The following SGMS1 variants were observed in gnomAD, a reference collection of about 807,000 sequenced individuals.
The protein encoded by SGMS1 is phosphatidylcholine:ceramide cholinephosphotransferase 1.
SGMS1 carries 13 observed loss-of-function variants against 46.2 expected under a neutral mutation model. The ratio of observed to expected loss-of-function variants is 0.28; its 90% CI spans 0.18 to 0.45. The LOEUF is 0.45. Ranked by LOEUF, SGMS1 falls within the 20% of genes least tolerant of loss-of-function variation. The pLI, the probability that SGMS1 is intolerant of heterozygous loss-of-function variation, is 1.00. For synonymous variants in SGMS1, 203 were observed against 187.8 expected, an observed-to-expected ratio of 1.08 and a Z score of -0.66; for missense variants, 324 against 519.9, an observed-to-expected ratio of 0.62 and a Z score of 3.66.
At chr10:50,522,636 T>G (rs913663936) in intron 2 of SGMS1, among the ~76,000 whole-genome samples, 1 of 152,150 alleles carries the variant, frequency 6.6e-6, no homozygotes, top group Non-Finnish European at 1.5e-5. Flanking sequence ...ATTTTACACT[T>G]GGTTAAGATG....
chr10:50,494,844 G>A (rs576885032), intron 3 of SGMS1, among the ~76,000 whole-genome samples: 4 of 151,892 alleles, frequency 2.6e-5, no homozygotes, highest in East Asian at 1.9e-4. Context: ...AGACCATCCC[G>A]GCTAAAACGG....
intron 2 of SGMS1, among the ~76,000 whole-genome samples, chr10:50,529,280 A>G (rs911773099): frequency 2.0e-5 from 3 of 152,238 alleles, no homozygotes; most frequent in Admixed American, 1.3e-4. Flanking sequence ...AAAGTTCACT[A>G]TGTAAATTCT....
intron 5 of SGMS1, among the ~76,000 whole-genome samples, chr10:50,448,684 T>C (rs780631948): frequency 1.5e-4 from 21 of 141,472 alleles, no homozygotes; most frequent in Non-Finnish European, 2.8e-4. Context: ...GCGGAGGTTG[T>C]GGTGAGCCAA....
chr10:50,420,427 A>G (rs1410440111), intron 6 of SGMS1, among the ~76,000 whole-genome samples: 2 of 152,150 alleles, frequency 1.3e-5, no homozygotes, highest in African/African-American at 4.8e-5. Flanking sequence ...CCCTCCCTCT[A>G]TGCCTCTCAA....
At chr10:50,436,894 C>T (rs1272676919) in intron 5 of SGMS1, among the ~76,000 whole-genome samples, 2 of 152,086 alleles carry the variant, frequency 1.3e-5, no homozygotes, top group Non-Finnish European at 2.9e-5. Context: ...GACAGTATCC[C>T]GTGGCCATGA....
chr10:50,519,142 G>A (rs1241771096), intron 3 of SGMS1, among the ~76,000 whole-genome samples: 1 of 152,058 alleles, frequency 6.6e-6, no homozygotes, highest in African/African-American at 2.4e-5. Flanking sequence ...TTCTGTTCAA[G>A]CTTAAAATTA....
chr10:50,383,546 C>T (rs1328327444), intron 6 of SGMS1, among the ~76,000 whole-genome samples: 1 of 152,078 alleles, frequency 6.6e-6, no homozygotes, highest in African/African-American at 2.4e-5. Context: ...AAGAGATAAA[C>T]ATGACCTTTA....
At chr10:50,475,389 C>T (rs916495562) in intron 3 of SGMS1, among the ~76,000 whole-genome samples, 14 of 152,112 alleles carry the variant, frequency 9.2e-5, no homozygotes, top group South Asian at 2.1e-4. Context: ...CTTTGATATA[C>T]GTTCATTTTA....
At chr10:50,387,838 A>T (rs1263067089) in intron 6 of SGMS1, among the ~76,000 whole-genome samples, 1 of 152,210 alleles carries the variant, frequency 6.6e-6, no homozygotes, top group Non-Finnish European at 1.5e-5. Context: ...AAGGAAAGTG[A>T]TGTACAGAAA....
rs185690264 is a variant in SGMS1 at position 50,366,751 on chromosome 10, T to C, written c.-231-22406A>G. ...TCACTCATAAGTGAGAGTTGAACAA[T>C]GAGAACACATGGACACAGGGAGGGG... On this transcript the variant is annotated intron_variant, in intron 6 of 10. Transcript: ENST00000361781. 1.2e-3 allele frequency among the ~76,000 whole-genome samples: 175 copies of C among 151,130 alleles called. 6 individuals carry two copies. The East Asian group carries it at 0.033, about 29-fold the overall frequency.
At chr10:50,510,327 G>C (rs1011457448) in intron 3 of SGMS1, among the ~76,000 whole-genome samples, 1 of 152,196 alleles carries the variant, frequency 6.6e-6, no homozygotes, top group Non-Finnish European at 1.5e-5. Context: ...TAGCAGTTAT[G>C]AATAAAGCTG....
At chr10:50,448,292 A>AAG (rs1837051166) in intron 5 of SGMS1, among the ~76,000 whole-genome samples, 1 of 152,124 alleles carries the variant, frequency 6.6e-6, no homozygotes, top group East Asian at 1.9e-4. Flanking sequence ...AAAACAATAT[A>AAG]AGAAGAGTAT....
chr10:50,619,415 T>C (rs1199740339), intron 1 of SGMS1, among the ~76,000 whole-genome samples: 1 of 152,218 alleles, frequency 6.6e-6, no homozygotes, highest in Non-Finnish European at 1.5e-5. Context: ...ATGAAATCTA[T>C]AGCACAGAAC....
intron 2 of SGMS1, among the ~76,000 whole-genome samples, chr10:50,588,721 A>ATTTTTTT (rs71029314): frequency 4.3e-5 from 4 of 92,220 alleles, no homozygotes; most frequent in Non-Finnish European, 8.2e-5. Flanking sequence ...GACTGATCTA[A>ATTTTTTT]TTTTTTTTTT....
intron 7 of SGMS1, among the ~76,000 whole-genome samples, chr10:50,337,232 C>T (rs11598794): frequency 6.6e-6 from 1 of 152,054 alleles, no homozygotes; most frequent in African/African-American, 2.4e-5. Context: ...CAGAATATAA[C>T]CCCCATTCAA....
At chr10:50,569,364 T>A (rs1202235616) in intron 2 of SGMS1, among the ~76,000 whole-genome samples, 1 of 150,392 alleles carries the variant, frequency 6.6e-6, no homozygotes, top group Non-Finnish European at 1.5e-5. Context: ...AAAGTAAGGA[T>A]GCCAGGGAAT....
At chr10:50,571,115 A>C (rs754070144) in intron 2 of SGMS1, among the ~76,000 whole-genome samples, 2 of 152,280 alleles carry the variant, frequency 1.3e-5, no homozygotes, top group African/African-American at 4.8e-5. Context: ...CTTGCTGACC[A>C]AAGTTCTAAT....
intron 6 of SGMS1, among the ~76,000 whole-genome samples, chr10:50,395,599 C>G (rs1041534720): frequency 1.3e-5 from 2 of 152,120 alleles, no homozygotes; most frequent in Non-Finnish European, 2.9e-5. Flanking sequence ...AGAAAGTGAG[C>G]TGTTATTTCC....
At chr10:50,387,562 G>A (rs761141378) in intron 6 of SGMS1, among the ~76,000 whole-genome samples, 11 of 152,126 alleles carry the variant, frequency 7.2e-5, no homozygotes, top group Admixed American at 2.6e-4. Flanking sequence ...AACAGACACC[G>A]CAAGCCAAGC....
Sources: gnomAD v4.1 joint callset for allele counts (sites outside exome capture counted in the v4.1 genomes callset) on GRCh38, gnomAD v4.1.1 for gene constraint, MANE v1.5 for transcripts, NCBI Gene and HGNC (gene_info 2026-07-23, HGNC 2026-07-21) for gene names.